UNC13C: variants seen among roughly 807,000 people sequenced by gnomAD.
UNC13C encodes the protein protein unc-13 homolog C.
UNC13C carries 174 observed loss-of-function variants against 245.4 expected under a neutral mutation model. The observed-to-expected ratio is 0.71, with a 90% CI of 0.63 to 0.80. The LOEUF is 0.80. Ranked by LOEUF, UNC13C falls within the 30% of genes least tolerant of loss-of-function variation. The pLI is 0.00. For missense variants in UNC13C, 2,829 were observed against 2,602.9 expected, an observed-to-expected ratio of 1.09 and a Z score of -1.89; for synonymous variants, 992 against 895.1, an observed-to-expected ratio of 1.11 and a Z score of -1.93.
chr15:53,839,130 T>G, the UNC13C span, among the ~76,000 whole-genome samples: 4 of 152,072 alleles, frequency 2.6e-5, no homozygotes, highest in Non-Finnish European at 4.4e-5. Context: ...TATATGCATG[T>G]ATATATGGGC....
chr15:54,612,780 A>ATAGG (rs1414712661), intron 30 of UNC13C, among the ~76,000 whole-genome samples: 6 of 152,006 alleles, frequency 3.9e-5, no homozygotes, highest in Admixed American at 2.6e-4. Flanking sequence ...TGAGGTTTGA[A>ATAGG]TAGGAATGAG....
At chr15:54,088,201 C>CTT (rs59075201) in intron 2 of UNC13C, among the ~76,000 whole-genome samples, 200 of 103,908 alleles carry the variant, frequency 1.9e-3, no homozygotes, top group East Asian at 5.6e-3. Context: ...CTTCCTTTTC[C>CTT]TTTTTTTTTT....
At chr15:54,624,442 C>G (rs1420013871) in intron 32 of UNC13C, among the ~76,000 whole-genome samples, 1 of 152,016 alleles carries the variant, frequency 6.6e-6, no homozygotes, top group East Asian at 1.9e-4. Flanking sequence ...GAGAGCAAGT[C>G]TGGGATATTT....
intron 19 of UNC13C, among the ~76,000 whole-genome samples, chr15:54,423,696 T>A (rs112034260): frequency 6.6e-6 from 1 of 151,980 alleles, no homozygotes; most frequent in African/African-American, 2.4e-5. Flanking sequence ...ATAAAGTTGG[T>A]ATTGGCTGAA....
intron 10 of UNC13C, among the ~76,000 whole-genome samples, chr15:54,265,790 C>T (rs904183615): frequency 2.6e-5 from 4 of 151,874 alleles, no homozygotes; most frequent in Non-Finnish European, 5.9e-5. Context: ...CTATAACTTG[C>T]GATGACCCAA....
intron 2 of UNC13C, among the ~76,000 whole-genome samples, chr15:54,088,502 A>G (rs1360739082): frequency 1.3e-5 from 2 of 152,122 alleles, no homozygotes; most frequent in East Asian, 3.9e-4. Flanking sequence ...CTGCTGATCC[A>G]TAGGACATTT....
At chr15:54,038,124 A>ATATATAAATTTTTTTTTTTTTTTTTTTTT in intron 2 of UNC13C, among the ~76,000 whole-genome samples, 1 of 45,040 alleles carries the variant, frequency 2.2e-5, no homozygotes, top group African/African-American at 1.1e-4. Flanking sequence ...ATATATATAT[A>ATATATAAATTTTTTTTTTTTTTTTTTTTT]TTTTTTTTTT....
intron 1 of UNC13C, among the ~76,000 whole-genome samples, chr15:54,006,850 GT>G (rs899435422): frequency 2.0e-5 from 3 of 152,066 alleles, no homozygotes; most frequent in African/African-American, 4.8e-5. Flanking sequence ...TCTTTGCTGT[GT>G]TTGGAGGAGC....
At chr15:54,622,203 C>T (rs942166907) in intron 30 of UNC13C, 124 bp from the exon 31 acceptor site, 1 of 682,826 alleles carries the variant, frequency 1.5e-6, no homozygotes, top group Non-Finnish European at 2.6e-6. Flanking sequence ...ACCTATTACG[C>T]ACTATTAATG....
intron 8 of UNC13C, among the ~76,000 whole-genome samples, chr15:54,250,716 C>G (rs1365151711): frequency 1.6e-5 from 2 of 127,034 alleles, no homozygotes; most frequent in African/African-American, 6.2e-5. Flanking sequence ...GACTTCCTAT[C>G]TATTTTCTTT....
the UNC13C span, among the ~76,000 whole-genome samples, chr15:53,899,740 T>G: frequency 1.1e-3 from 175 of 152,264 alleles, 1 homozygote; most frequent in African/African-American, 4.1e-3. Flanking sequence ...ATTTTTGTAT[T>G]TTTAGTAGAG....
intron 2 of UNC13C, among the ~76,000 whole-genome samples, chr15:54,088,853 C>G (rs1334260317): frequency 6.6e-6 from 1 of 152,128 alleles, no homozygotes; most frequent in East Asian, 1.9e-4. Context: ...TCCAGTGATG[C>G]AGGATGTAGA....
intron 32 of UNC13C, among the ~76,000 whole-genome samples, chr15:54,626,425 C>T (rs1182400564): frequency 6.7e-6 from 1 of 149,576 alleles, no homozygotes; most frequent in Non-Finnish European, 1.5e-5. Flanking sequence ...AGGTAAAGTG[C>T]GAGGAGTAGT....
chr15:54,628,119 G>C lies in UNC13C; in HGVS notation c.*1006G>C, dbSNP rs965064326. On this transcript the variant is annotated 3_prime_UTR_variant, in exon 33 of 33. Coordinates refer to ENST00000260323, the MANE Select transcript of UNC13C (RefSeq NM_001080534.3). ...GTCGGAAGAAATTGCTTAAAATTTT[G>C]TAATTTGTATTTATAAGCCCCAAAT... 8 of 151,994 alleles carry C rather than the reference G, an allele frequency of 5.3e-5. No homozygotes were observed. Among genetic ancestry groups the C allele is most frequent in the Admixed American group, 2.6e-4 (4 of 15,260 alleles). The allele number at this position is 151,994 out of a possible 1,614,324, so 9.4% of individuals were successfully genotyped here. A position where few individuals can be genotyped will look rare whatever the true frequency, so the allele number is the denominator to read the frequency against.
rs79515601 is a variant in UNC13C, at chr15:54,195,246, A to C, written c.3072-39784A>C. 0.01 allele frequency among the ~76,000 whole-genome samples: 1,577 copies of C among 152,246 alleles called. 64 individuals are homozygous for C. In the East Asian group the frequency reaches 0.11, roughly 10 times the overall value. ...AGAGGAAAAAAGCCTACACTCTAAGAAGGAGCCAGGTTTATGCCCTACACC... is the reference window on the plus strand; with the variant it reads ...AGAGGAAAAAAGCCTACACTCTAAGCAGGAGCCAGGTTTATGCCCTACACC... On this transcript the variant is annotated intron_variant, in intron 4 of 32. Coordinates refer to ENST00000260323, the MANE Select transcript of UNC13C (RefSeq NM_001080534.3).
intron 30 of UNC13C, among the ~76,000 whole-genome samples, chr15:54,570,318 C>G (rs8023918): frequency 6.8e-4 from 104 of 152,058 alleles, no homozygotes; most frequent in African/African-American, 7.7e-4. Context: ...CTAAAGCCCA[C>G]CTTCCTCTTG....
At chr15:54,336,449 A>AT (rs2038579116) in intron 16 of UNC13C, among the ~76,000 whole-genome samples, 1 of 151,170 alleles carries the variant, frequency 6.6e-6, no homozygotes, top group African/African-American at 2.4e-5. Context: ...TAATCTTAAA[A>AT]TATCTCATAT....
chr15:54,127,997 C>A (rs959338707), intron 2 of UNC13C, among the ~76,000 whole-genome samples: 1 of 151,762 alleles, frequency 6.6e-6, no homozygotes, highest in Non-Finnish European at 1.5e-5. Context: ...TCTGAAGATA[C>A]GATTCTATAC....
chr15:54,020,278 CT>C lies in UNC13C; in HGVS notation c.2983+4406del, dbSNP rs1184092756. On this transcript the variant is annotated intron_variant, in intron 2 of 32. Coordinates refer to ENST00000260323, the MANE Select transcript of UNC13C (RefSeq NM_001080534.3). The stretch of plus-strand genomic sequence containing the variant: ...ATATTAATAATTTTTTTCTTTTTTT[CT>C]TTTTTTTTTTTTTGAGATGAAGTCT... Among the ~76,000 whole-genome samples, 606 of 139,208 alleles carry C rather than the reference CT, an allele frequency of 4.4e-3. 1 individual carries two copies. Among genetic ancestry groups the C allele is most frequent in the African/African-American group, 0.012 (443 of 37,780 alleles). 91.3% of individuals were successfully genotyped at this position (139,208 alleles called of 152,430 possible).
Sources: allele counts gnomAD v4.1 joint callset (sites outside exome capture counted in the v4.1 genomes callset), GRCh38; gene constraint gnomAD v4.1.1; transcripts MANE v1.5; gene names NCBI Gene and HGNC (gene_info 2026-07-23, HGNC 2026-07-21).